PCDHGA3: variants seen among roughly 807,000 people sequenced by gnomAD.
PCDHGA3 encodes protocadherin gamma subfamily A, 3.
PCDHGA3 carries 40 observed loss-of-function variants against 58.5 expected under a neutral mutation model. That is an observed-to-expected ratio of 0.68 (90% CI 0.53 to 0.89). The LOEUF is 0.89. Among genes scored for constraint, PCDHGA3 ranks in the 40% least tolerant of loss-of-function variants. The pLI, the probability that PCDHGA3 is intolerant of heterozygous loss-of-function variation, is 0.00. For synonymous variants in PCDHGA3, 530 were observed against 525.7 expected (o/e 1.01, Z -0.11); for missense variants, 1,223 against 1,195.9 (o/e 1.02, Z -0.33).
At chr5:141,508,570 C>T (rs1164806696) in intron 3 of PCDHGA3, among the ~76,000 whole-genome samples, 21 of 152,198 alleles carry the variant, frequency 1.4e-4, no homozygotes. Context: ...GTCACTTGCA[C>T]CCACTCGGGG....
intron 1 of PCDHGA3, chr5:141,364,277 A>G (rs1763252394): frequency 1.3e-6 from 2 of 1,515,318 alleles, no homozygotes; most frequent in East Asian, 2.3e-5. Flanking sequence ...TTAGATAAAT[A>G]AGGAAACAGC....
intron 1 of PCDHGA3, among the ~76,000 whole-genome samples, chr5:141,381,018 ATTAG>A (rs1442442460): frequency 4.6e-5 from 7 of 152,398 alleles, no homozygotes; most frequent in Admixed American, 1.3e-4. Context: ...TAATACCTCT[ATTAG>A]TTCCTTTAAA....
intron 1 of PCDHGA3, chr5:141,393,501 G>C (rs754946327): frequency 1.9e-6 from 3 of 1,614,044 alleles, no homozygotes; most frequent in Non-Finnish European, 2.5e-6. Flanking sequence ...GCGCATCCAC[G>C]TGACAGTGTT....
intron 1 of PCDHGA3, chr5:141,428,402 G>T (rs899477196): frequency 1.7e-5 from 8 of 479,776 alleles, no homozygotes; most frequent in African/African-American, 1.4e-4. Flanking sequence ...TCTGCCTGGG[G>T]TTGCTTTCAC....
chr5:141,394,625 G>A, intron 1 of PCDHGA3: 1 of 1,613,496 alleles, frequency 6.2e-7, no homozygotes, highest in African/African-American at 1.3e-5. Flanking sequence ...ACGCCTGGCT[G>A]TCCTACCGCC....
chr5:141,440,056 G>A, intron 1 of PCDHGA3: 1 of 152,648 alleles, frequency 6.6e-6, no homozygotes, highest in East Asian at 1.9e-4. Flanking sequence ...GAAAGCTTCG[G>A]GTTAATGCTG....
At chr5:141,374,243 C>T in intron 1 of PCDHGA3, 1 of 1,614,000 alleles carries the variant, frequency 6.2e-7, no homozygotes, top group East Asian at 2.2e-5. Context: ...GGATCTGGGA[C>T]TGGAGCCCCA....
chr5:141,394,514 C>G (rs2093021412), intron 1 of PCDHGA3: 2 of 1,614,230 alleles, frequency 1.2e-6, no homozygotes, highest in South Asian at 1.1e-5. Context: ...ACCCCGCCCT[C>G]CCCACAGACG....
At chr5:141,380,705 T>G (rs1776676195) in intron 1 of PCDHGA3, among the ~76,000 whole-genome samples, 1 of 152,242 alleles carries the variant, frequency 6.6e-6, no homozygotes, top group African/African-American at 2.4e-5. Context: ...AGTCTATAAT[T>G]TAATTTAACT....
intron 1 of PCDHGA3, chr5:141,361,239 G>T: frequency 6.2e-7 from 1 of 1,613,958 alleles, no homozygotes; most frequent in Non-Finnish European, 8.5e-7. Context: ...TGATCGCCTT[G>T]ATAAAAACGA....
At position 141,487,493 on chromosome 5, in the gene PCDHGA3, C is replaced by A. The variant is rs1372433097; in HGVS notation, c.2425-7314C>A. 5.6e-6 allele frequency: 9 copies of A among 1,614,050 alleles called. No individual in the cohort carries two copies. The highest frequency in any genetic ancestry group is 6.8e-6 in the Non-Finnish European group (8 of 1,180,034). On this transcript the variant is annotated intron_variant, in intron 1 of 3. Coordinates refer to ENST00000253812, the MANE Select transcript of PCDHGA3 (RefSeq NM_018916.4). This position sits in a 1 kb window ranked among gnomAD's most constrained non-coding sequence, Gnocchi z 5.0. ...GGGAGGCCACTCTCATGGCTGTACACCCTTGGCTTCTGCACCCACTCGGAG... is the reference window on the plus strand; with the variant it reads ...GGGAGGCCACTCTCATGGCTGTACAACCTTGGCTTCTGCACCCACTCGGAG...
rs2099747616 is a variant in PCDHGA3 at position 141,493,318 on chromosome 5, TA to T, written c.2425-1487del. 6.6e-6 allele frequency among the ~76,000 whole-genome samples: 1 copy of T among 152,234 alleles called. No homozygotes were observed. Among genetic ancestry groups the T allele is most frequent in the South Asian group, 2.1e-4 (1 of 4,828 alleles). On this transcript the variant is annotated intron_variant, in intron 1 of 3. Coordinates refer to ENST00000253812, the MANE Select transcript of PCDHGA3 (RefSeq NM_018916.4). This position sits in a 1 kb window ranked among gnomAD's most constrained non-coding sequence, Gnocchi z 4.3. ...TTCACAGAGCAAGTAAGAGAGATTC[TA>T]ACCCCTGTCTAACTCCAGAATGTGT...
chr5:141,495,735 T>C (rs1595351919), intron 2 of PCDHGA3, among the ~76,000 whole-genome samples: 1 of 152,044 alleles, frequency 6.6e-6, no homozygotes, highest in Admixed American at 6.5e-5. Context: ...CCTTAGTCTC[T>C]TTCTCCTTCT....
At chr5:141,423,102 C>T (rs778561065) in intron 1 of PCDHGA3, 7 of 1,613,920 alleles carry the variant, frequency 4.3e-6, no homozygotes, top group Non-Finnish European at 4.2e-6. Context: ...AGCACACGGG[C>T]GAGGTGCGTA....
intron 1 of PCDHGA3, among the ~76,000 whole-genome samples, chr5:141,430,066 G>C (rs550834063): frequency 6.6e-6 from 1 of 151,984 alleles, no homozygotes; most frequent in Non-Finnish European, 1.5e-5. Flanking sequence ...TCATTTTTAG[G>C]TTTCCATAAT....
chr5:141,474,710 A>T (rs535069070), intron 1 of PCDHGA3, among the ~76,000 whole-genome samples: 31 of 152,330 alleles, frequency 2.0e-4, no homozygotes, highest in African/African-American at 6.3e-4. Context: ...GTTCTATTAT[A>T]CTTCAAAAGG....
intron 1 of PCDHGA3, among the ~76,000 whole-genome samples, chr5:141,381,491 A>G (rs773337977): frequency 1.7e-4 from 26 of 152,224 alleles, no homozygotes; most frequent in Non-Finnish European, 7.3e-5. Flanking sequence ...TGTTTTCTCA[A>G]TTACACTAGA....
chr5:141,389,647 AG>A, intron 1 of PCDHGA3: 10 of 1,612,908 alleles, frequency 6.2e-6, no homozygotes, highest in Non-Finnish European at 8.5e-6. Flanking sequence ...TTGGTGACCA[AG>A]GTAGTGGCGG....
In PCDHGA3 at chr5:141,345,423, A is replaced by G. The variant is rs190743421; in HGVS notation, c.1390A>G (p.Asn464Asp). The change falls in exon 1 of 4, where the codon AAC (asparagine) becomes GAC (aspartate). Residue 464 changes from asparagine to aspartate, a missense_variant. Coordinates refer to ENST00000253812, the MANE Select transcript of PCDHGA3 (RefSeq NM_018916.4). Reference protein sequence around the residue: ...HLSYSAYIPENNPRGASIFSV... With the variant: ...HLSYSAYIPEDNPRGASIFSV... ...ATCCTACTCCGCCTACATTCCAGAAAACAACCCCAGAGGAGCCTCCATCTT... is the reference window on the plus strand; with the variant it reads ...ATCCTACTCCGCCTACATTCCAGAAGACAACCCCAGAGGAGCCTCCATCTT... The G allele has an allele frequency of 9.9e-5, 160 of 1,613,976 alleles. No homozygotes were observed. The African/African-American group carries it at 1.9e-3, about 20-fold the overall frequency.
Sources: allele counts gnomAD v4.1 joint callset (sites outside exome capture counted in the v4.1 genomes callset), GRCh38; gene constraint gnomAD v4.1.1; non-coding constraint Gnocchi (gnomAD v3.1); transcripts MANE v1.5; gene names NCBI Gene and HGNC (gene_info 2026-07-23, HGNC 2026-07-21).